Variants in ISM2 observed in about 807,000 individuals in gnomAD.
The protein encoded by ISM2 is isthmin 2.
A neutral mutation model predicts 58.0 loss-of-function variants in ISM2; 50 were observed. The ratio of observed to expected loss-of-function variants is 0.86; its 90% CI spans 0.69 to 1.09. The LOEUF is 1.09. ISM2 is among the 50% of genes least tolerant of loss of function. ISM2 has a pLI of 0.00. For synonymous variants in ISM2, 303 were observed against 312.4 expected (o/e 0.97, Z 0.32); for missense variants, 723 against 745.0 (o/e 0.97, Z 0.34).
chr14:77,490,495 A>G (rs148965236), intron 1 of ISM2, among the ~76,000 whole-genome samples: 4 of 152,384 alleles, frequency 2.6e-5, no homozygotes, highest in Admixed American at 6.5e-5. Flanking sequence ...TAGACAATGC[A>G]GCCAAGGATC....
chr14:77,498,505 G>A, intron 1 of ISM2, 148 bp downstream of exon 1: 3 of 1,268,068 alleles, frequency 2.4e-6, no homozygotes, highest in South Asian at 2.7e-5. Flanking sequence ...CCGGTGTCCG[G>A]GAGCTTCCGG....
At chr14:77,479,189 C>G (rs2079116885) in intron 4 of ISM2, among the ~76,000 whole-genome samples, 1 of 152,086 alleles carries the variant, frequency 6.6e-6, no homozygotes, top group Admixed American at 6.6e-5. Flanking sequence ...ACCTCAGCCT[C>G]CCTAGTAACT....
chr14:77,498,537 A>C (rs1040962483), intron 1 of ISM2, 116 bp downstream of exon 1: 8 of 1,367,020 alleles, frequency 5.9e-6, no homozygotes, highest in Middle Eastern at 2.1e-4. Flanking sequence ...CCCTCTCTCC[A>C]TCGGGGGGTC....
chr14:77,487,110 T>C (rs1000468052), intron 1 of ISM2, among the ~76,000 whole-genome samples: 11 of 151,824 alleles, frequency 7.2e-5, no homozygotes, highest in African/African-American at 2.7e-4. Flanking sequence ...CTGGGCATGG[T>C]GGCAGGTGCC....
chr14:77,492,000 C>CT (rs537901154), intron 1 of ISM2, among the ~76,000 whole-genome samples: 11,856 of 145,114 alleles, frequency 0.082, 559 homozygotes, highest in Admixed American at 0.16. Context: ...AGCCCCCCAC[C>CT]TTTTTTTTTT....
At chr14:77,488,106 T>C (rs1441891842) in intron 1 of ISM2, among the ~76,000 whole-genome samples, 1 of 152,218 alleles carries the variant, frequency 6.6e-6, no homozygotes, top group Non-Finnish European at 1.5e-5. Context: ...TCTGTCACTT[T>C]TTCCAACTCA....
chr14:77,484,609 C>T, intron 2 of ISM2, 44 bp from the exon 3 acceptor site: 1 of 1,606,714 alleles, frequency 6.2e-7, no homozygotes, highest in Non-Finnish European at 8.5e-7. Flanking sequence ...TTAGGGCTTA[C>T]CCAACAGGGA....
chr14:77,477,201 G>A (rs971248745), intron 6 of ISM2, among the ~76,000 whole-genome samples: 6 of 152,164 alleles, frequency 3.9e-5, no homozygotes, highest in South Asian at 2.1e-4. Flanking sequence ...GGCCTTGGGC[G>A]GCTGGCCACG....
At chr14:77,481,720 A>G (rs2079132883) in intron 4 of ISM2, among the ~76,000 whole-genome samples, 1 of 152,148 alleles carries the variant, frequency 6.6e-6, no homozygotes, top group Non-Finnish European at 1.5e-5. Flanking sequence ...AAACTCACAG[A>G]TGTAAATAAA....
chr14:77,482,226 G>T, intron 4 of ISM2, 96 bp downstream of exon 4: 1 of 864,614 alleles, frequency 1.2e-6, no homozygotes, highest in Non-Finnish European at 1.8e-6. Flanking sequence ...TTCCTCAATG[G>T]TCTTGCCTGG....
intron 1 of ISM2, among the ~76,000 whole-genome samples, chr14:77,493,470 T>G (rs2079219231): frequency 6.6e-6 from 1 of 150,788 alleles, no homozygotes; most frequent in Admixed American, 6.6e-5. Context: ...TATTTATTAT[T>G]ATTTTTTTTG....
chr14:77,491,691 C>CTTTTT (rs777579764), intron 1 of ISM2, among the ~76,000 whole-genome samples: 21 of 105,256 alleles, frequency 2.0e-4, no homozygotes, highest in Non-Finnish European at 2.4e-4. Flanking sequence ...CGCGTCTGGT[C>CTTTTT]TTTTTTTTTT....
intron 1 of ISM2, among the ~76,000 whole-genome samples, chr14:77,496,076 G>T (rs557420129): frequency 6.6e-6 from 1 of 151,748 alleles, no homozygotes; most frequent in African/African-American, 2.4e-5. Context: ...TTAGCTGGGC[G>T]TGGTGGCAGG....
At chr14:77,491,283 G>C (rs925400836) in intron 1 of ISM2, among the ~76,000 whole-genome samples, 1 of 152,120 alleles carries the variant, frequency 6.6e-6, no homozygotes, top group African/African-American at 2.4e-5. Flanking sequence ...TTCTTTCATG[G>C]CCATTTAACC....
chr14:77,490,012 C>T (rs192347022), intron 1 of ISM2, among the ~76,000 whole-genome samples: 2 of 152,302 alleles, frequency 1.3e-5, no homozygotes, highest in East Asian at 1.9e-4. Flanking sequence ...TACAGGCGCC[C>T]GCCACCATGC....
chr14:77,498,457 G>A (rs2079262007), intron 1 of ISM2, 196 bp downstream of exon 1: 2 of 1,178,678 alleles, frequency 1.7e-6, no homozygotes, highest in South Asian at 1.4e-5. Flanking sequence ...CACGCGCGAG[G>A]AGTGGAAGCC....
chr14:77,492,057 C>T (rs1273789157), intron 1 of ISM2, among the ~76,000 whole-genome samples: 1 of 151,338 alleles, frequency 6.6e-6, no homozygotes, highest in Non-Finnish European at 1.5e-5. Flanking sequence ...CTGGAGTGCA[C>T]TGGTGCAATC....
intron 1 of ISM2, among the ~76,000 whole-genome samples, chr14:77,485,228 C>T (rs1332439345): frequency 6.6e-6 from 1 of 152,186 alleles, no homozygotes; most frequent in African/African-American, 2.4e-5. Flanking sequence ...AAACCACAGC[C>T]CAAGAAGGGG....
At position 77,475,772 on chromosome 14, in the gene ISM2, G is replaced by A. The variant is rs751156307; in HGVS notation, c.1539C>T (p.Ile513=). 6.2e-7 allele frequency: 1 copy of A among 1,613,796 alleles called. No individual in the cohort carries two copies. The highest frequency in any genetic ancestry group is 2.2e-5 in the East Asian group (1 of 44,878). Residue 513 remains isoleucine, a synonymous_variant, in exon 7 of 7, where the codon ATC becomes ATT. Coordinates refer to ENST00000342219, the MANE Select transcript of ISM2 (RefSeq NM_199296.3). The surrounding 1 kb of genome is among the most constrained non-coding windows in gnomAD (Gnocchi z 4.1). ...GCAGCTTAGGTGAGAAGTCGGTGCTGATGAGGTTGGGCATGCCGGCGCCCT... is the reference window on the plus strand; with the variant it reads ...GCAGCTTAGGTGAGAAGTCGGTGCTAATGAGGTTGGGCATGCCGGCGCCCT... ...RGKGAGMPNL[I]STDFSPKLHF...
Sources: allele counts gnomAD v4.1 joint callset (sites outside exome capture counted in the v4.1 genomes callset), GRCh38; gene constraint gnomAD v4.1.1; non-coding constraint Gnocchi (gnomAD v3.1); transcripts MANE v1.5; gene names NCBI Gene and HGNC (gene_info 2026-07-23, HGNC 2026-07-21).